Variants in CNTN5 observed in about 807,000 individuals in gnomAD.
The protein encoded by CNTN5 is contactin-5.
Under a neutral mutation model 129.1 loss-of-function variants are expected in CNTN5, and 77 were observed. That is an observed-to-expected ratio of 0.60 (90% CI 0.50 to 0.72). The LOEUF (loss-of-function observed/expected upper bound fraction) is 0.72, where lower values mean the gene tolerates loss of function less well. CNTN5 is among the 30% of genes least tolerant of loss of function. The pLI, the probability that CNTN5 is intolerant of heterozygous loss-of-function variation, is 0.00. For synonymous variants in CNTN5, 509 were observed against 465.6 expected (o/e 1.09, Z -1.20); for missense variants, 1,478 against 1,328.8 (o/e 1.11, Z -1.75).
chr11:100,323,057 TA>T (rs774322910), intron 21 of CNTN5, among the ~76,000 whole-genome samples: 17 of 152,196 alleles, frequency 1.1e-4, no homozygotes, highest in Non-Finnish European at 1.9e-4. Flanking sequence ...ATATGCTTTT[TA>T]AAAATTGCCA....
At chr11:99,498,455 T>C (rs1172555177) in intron 2 of CNTN5, among the ~76,000 whole-genome samples, 1 of 152,180 alleles carries the variant, frequency 6.6e-6, no homozygotes, top group African/African-American at 2.4e-5. Flanking sequence ...TCTACAAAAA[T>C]CTAGGTAATT....
intron 2 of CNTN5, among the ~76,000 whole-genome samples, chr11:99,430,055 A>G (rs1422017494): frequency 6.6e-6 from 1 of 152,120 alleles, no homozygotes; most frequent in Non-Finnish European, 1.5e-5. Context: ...TGACTCTTGA[A>G]ACTCCACAGA....
At chr11:99,229,396 A>G (rs1860866007) in intron 1 of CNTN5, among the ~76,000 whole-genome samples, 1 of 152,030 alleles carries the variant, frequency 6.6e-6, no homozygotes. Flanking sequence ...TGATTGCTGT[A>G]AAATGCTGAA....
intron 1 of CNTN5, among the ~76,000 whole-genome samples, chr11:99,303,521 T>C (rs182478309): frequency 6.7e-6 from 1 of 149,756 alleles, no homozygotes; most frequent in Non-Finnish European, 1.5e-5. Flanking sequence ...AGATAGGAAA[T>C]GGCACACGAG....
intron 3 of CNTN5, among the ~76,000 whole-genome samples, chr11:99,618,933 A>G (rs972672649): frequency 2.0e-5 from 3 of 152,194 alleles, no homozygotes; most frequent in Non-Finnish European, 2.9e-5. Context: ...TAACCCAGCC[A>G]TAATGCACAA....
At chr11:100,355,993 A>G (rs1952513716) in intron 24 of CNTN5, 124 bp from the exon 25 acceptor site, 2 of 649,618 alleles carry the variant, frequency 3.1e-6, no homozygotes, top group Admixed American at 2.6e-5. Context: ...ATAAATATAA[A>G]GAACACTCTC....
At chr11:99,259,473 G>A (rs185754065) in intron 1 of CNTN5, among the ~76,000 whole-genome samples, 12 of 151,916 alleles carry the variant, frequency 7.9e-5, no homozygotes, top group African/African-American at 2.6e-4. Flanking sequence ...GCAGTGGTGA[G>A]CAAGTATAGC....
intron 3 of CNTN5, among the ~76,000 whole-genome samples, chr11:99,614,005 T>C (rs1295309846): frequency 6.6e-6 from 1 of 152,194 alleles, no homozygotes; most frequent in African/African-American, 2.4e-5. Context: ...TAAAACTCTG[T>C]TATAGCTATA....
intron 2 of CNTN5, among the ~76,000 whole-genome samples, chr11:99,489,992 CT>C (rs1945973215): frequency 6.6e-6 from 1 of 152,132 alleles, no homozygotes; most frequent in Admixed American, 6.5e-5. Context: ...CCATTTAACT[CT>C]TTTATTATAT....
Position 99,556,260 on chromosome 11 carries a change from T to A in CNTN5, c.46T>A (p.Cys16Ser), listed in dbSNP as rs748507445. Residue 16 changes from cysteine (C) to serine (S), a missense_variant, in exon 3 of 25, where the codon TGT (cysteine) becomes AGT (serine). Coordinates refer to ENST00000524871, the MANE Select transcript of CNTN5 (RefSeq NM_014361.4). ...AATGCTGTTTCTGTCAGTCACCATG[T>A]GTCTTTCAGGTAAAAGTCCTGATTA... ...KLMLFLSVTM[C>S]LSEYSKSLPG... 9 of 1,526,536 alleles carry A rather than the reference T, an allele frequency of 5.9e-6. No homozygotes were observed. 94.6% of individuals were successfully genotyped at this position (1,526,536 alleles called of 1,614,324 possible).
At chr11:99,947,205 T>A (rs1222886859) in intron 7 of CNTN5, among the ~76,000 whole-genome samples, 1 of 148,394 alleles carries the variant, frequency 6.7e-6, no homozygotes, top group Non-Finnish European at 1.5e-5. Context: ...TTGTACCAAT[T>A]TTTCTACTTT....
chr11:100,066,110 G>A (rs991931757), intron 10 of CNTN5, among the ~76,000 whole-genome samples: 12 of 152,024 alleles, frequency 7.9e-5, no homozygotes, highest in South Asian at 2.1e-4. Context: ...CAATGGATTG[G>A]GGGGAAAGTA....
chr11:99,439,721 A>G (rs188666106), intron 2 of CNTN5, among the ~76,000 whole-genome samples: 4 of 145,732 alleles, frequency 2.7e-5, no homozygotes, highest in Admixed American at 7.1e-5. Context: ...AAAAAAAAAA[A>G]AAAAGAAAAA....
intron 2 of CNTN5, among the ~76,000 whole-genome samples, chr11:99,503,238 C>T (rs1172147952): frequency 2.0e-5 from 3 of 152,138 alleles, no homozygotes; most frequent in Non-Finnish European, 2.9e-5. Flanking sequence ...ACCATGTTCG[C>T]ATACACTAAT....
intron 23 of CNTN5, among the ~76,000 whole-genome samples, chr11:100,342,152 G>GACAGACACACACAC (rs1555073331): frequency 6.8e-6 from 1 of 146,898 alleles, no homozygotes; most frequent in Non-Finnish European, 1.5e-5. Context: ...ATAGATCACA[G>GACAGACACACACAC]ACACACACAC....
intron 1 of CNTN5, among the ~76,000 whole-genome samples, chr11:99,058,155 G>A (rs973483571): frequency 6.6e-6 from 1 of 152,004 alleles, no homozygotes; most frequent in African/African-American, 2.4e-5. Context: ...TATCCTGAGT[G>A]AGTTGGGAAG....
At chr11:100,266,190 T>C (rs1950300103) in intron 17 of CNTN5, among the ~76,000 whole-genome samples, 1 of 151,950 alleles carries the variant, frequency 6.6e-6, no homozygotes, top group African/African-American at 2.4e-5. Flanking sequence ...GCCAGGAGAT[T>C]GAGACGAGCC....
intron 1 of CNTN5, among the ~76,000 whole-genome samples, chr11:99,111,072 G>A (rs1047592169): frequency 2.6e-5 from 4 of 152,018 alleles, no homozygotes; most frequent in African/African-American, 9.7e-5. Flanking sequence ...TTAAAATTGT[G>A]TCTACCCATG....
chr11:99,058,052 T>C (rs1408661629), intron 1 of CNTN5, among the ~76,000 whole-genome samples: 11 of 151,832 alleles, frequency 7.2e-5, no homozygotes. Flanking sequence ...GGAGGCAGGT[T>C]TAGTTTAATA....
Sources: allele counts gnomAD v4.1 joint callset (sites outside exome capture counted in the v4.1 genomes callset), GRCh38; gene constraint gnomAD v4.1.1; transcripts MANE v1.5; gene names NCBI Gene and HGNC (gene_info 2026-07-23, HGNC 2026-07-21).